TMEM242: variants seen among roughly 807,000 people sequenced by gnomAD.
The protein encoded by TMEM242 is UPF0463 transmembrane protein C6orf35.
A neutral mutation model predicts 18.2 loss-of-function variants in TMEM242; 10 were observed. That is an observed-to-expected ratio of 0.55 (90% CI 0.34 to 0.93). TMEM242 has a LOEUF of 0.93. Among genes scored for constraint, TMEM242 ranks in the 40% least tolerant of loss-of-function variants. The pLI, the probability that TMEM242 is intolerant of heterozygous loss-of-function variation, is 0.02. For missense variants in TMEM242, 186 were observed against 175.5 expected (o/e 1.06, Z -0.34); for synonymous variants, 57 against 69.9 (o/e 0.81, Z 0.92).
intron 3 of TMEM242, among the ~76,000 whole-genome samples, chr6:157,314,374 A>AG (rs1778344944): frequency 1.1e-3 from 2 of 1,770 alleles, no homozygotes; most frequent in Admixed American, 7.4e-3. Flanking sequence ...ATGCATTCCC[A>AG]TGATCATGTA....
intron 3 of TMEM242, among the ~76,000 whole-genome samples, chr6:157,310,657 G>A (rs1778005342): frequency 6.7e-6 from 1 of 149,360 alleles, no homozygotes; most frequent in Non-Finnish European, 1.5e-5. Flanking sequence ...CGCTCACCCG[G>A]CCTCATCATA....
intron 3 of TMEM242, among the ~76,000 whole-genome samples, chr6:157,310,630 C>G (rs1554248357): frequency 9.0e-5 from 9 of 99,824 alleles, no homozygotes; most frequent in South Asian, 3.1e-4. Context: ...CTAGCCTCAT[C>G]ATAGTGTCCC....
intron 1 of TMEM242, 103 bp downstream of exon 1, chr6:157,323,309 G>C: frequency 7.8e-7 from 1 of 1,284,922 alleles, no homozygotes; most frequent in Non-Finnish European, 1.1e-6. Context: ...CACAAGCTAA[G>C]GGCTCTCAGA....
At chr6:157,310,494 C>G in intron 3 of TMEM242, among the ~76,000 whole-genome samples, 1 of 151,396 alleles carries the variant, frequency 6.6e-6, no homozygotes, top group Non-Finnish European at 1.5e-5. Context: ...CTAGCCTCAT[C>G]ATAGTGTCCC....
intron 3 of TMEM242, chr6:157,318,392 G>C (rs1778441171): frequency 4.8e-6 from 1 of 210,170 alleles, no homozygotes; most frequent in African/African-American, 2.3e-5. Flanking sequence ...ACCACACCCA[G>C]CTAATTTTTT....
intron 3 of TMEM242, among the ~76,000 whole-genome samples, chr6:157,302,021 T>A (rs1195905112): frequency 6.6e-6 from 1 of 152,114 alleles, no homozygotes; most frequent in Non-Finnish European, 1.5e-5. Flanking sequence ...TCAGCTGAGT[T>A]CCTGACATCC....
chr6:157,322,838 T>TA (rs782701143), intron 1 of TMEM242, 33 bp from the exon 2 acceptor site: 61 of 1,538,530 alleles, frequency 4.0e-5, no homozygotes, highest in Middle Eastern at 1.7e-4. Flanking sequence ...GGGGGGATAT[T>TA]AAAAAAAATT....
chr6:157,296,484 C>T (rs900681874), intron 3 of TMEM242, among the ~76,000 whole-genome samples: 1 of 152,100 alleles, frequency 6.6e-6, no homozygotes, highest in Non-Finnish European at 1.5e-5. Flanking sequence ...GCCAGGAATT[C>T]GAGACCTGGC....
intron 3 of TMEM242, among the ~76,000 whole-genome samples, chr6:157,313,240 CGCAG>C: frequency 3.9e-5 from 1 of 25,438 alleles, no homozygotes; most frequent in Non-Finnish European, 7.8e-5. Context: ...ATCATAGTGT[CGCAG>C]AGTGTGCTCA....
chr6:157,295,906 T>C (rs1777742336), intron 3 of TMEM242, among the ~76,000 whole-genome samples: 1 of 152,170 alleles, frequency 6.6e-6, no homozygotes, highest in Admixed American at 6.5e-5. Flanking sequence ...CTTTAGAGAA[T>C]GGGCTCCACA....
chr6:157,298,213 T>C (rs78905840), intron 3 of TMEM242, among the ~76,000 whole-genome samples: 4,748 of 152,298 alleles, frequency 0.031, 108 homozygotes, highest in East Asian at 0.15. Flanking sequence ...ATTTCTAACA[T>C]GCTTCTTGAT....
chr6:157,307,469 C>T lies in TMEM242; in HGVS notation c.327+11313G>A, dbSNP rs587631266. 3.9e-5 allele frequency among the ~76,000 whole-genome samples: 6 copies of T among 152,288 alleles called. No individual in the cohort carries two copies. The South Asian group carries it at 1.2e-3, about 32-fold the overall frequency. On this transcript the variant is annotated intron_variant, in intron 3 of 3. Coordinates refer to ENST00000400788, the MANE Select transcript of TMEM242 (RefSeq NM_018452.6). ...GAGCTATTTTGGAAATATGCCAAAA[C>T]AGCGGATTCCCCTGCTTGACTTTTT...
chr6:157,322,605 A>G, intron 2 of TMEM242, 100 bp downstream of exon 2: 1 of 935,800 alleles, frequency 1.1e-6, no homozygotes, highest in Non-Finnish European at 1.6e-6. Context: ...CACATCTTAA[A>G]GCAATGTGAA....
intron 1 of TMEM242, among the ~76,000 whole-genome samples, chr6:157,323,193 T>C (rs587713885): frequency 6.6e-6 from 1 of 152,040 alleles, no homozygotes; most frequent in Non-Finnish European, 1.5e-5. Context: ...CCCGGGAGAA[T>C]AGCTCGCGGG....
At chr6:157,314,903 C>G (rs907307201) in intron 3 of TMEM242, among the ~76,000 whole-genome samples, 1 of 152,232 alleles carries the variant, frequency 6.6e-6, no homozygotes, top group Non-Finnish European at 1.5e-5. Context: ...CAAGCACTTT[C>G]ATCAAGCTGC....
chr6:157,313,384 A>T (rs62425606), intron 3 of TMEM242, among the ~76,000 whole-genome samples: 6 of 16,756 alleles, frequency 3.6e-4, no homozygotes, highest in East Asian at 2.3e-3. Context: ...GCCTCAGTGT[A>T]CGCTCACCGG....
rs1223634208 is a variant in TMEM242 at position 157,305,034 on chromosome 6, CCTT to C, written c.328-12038_328-12036del. Among the ~76,000 whole-genome samples, 1 of 152,138 alleles carries C rather than the reference CCTT, an allele frequency of 6.6e-6. No individual in the cohort carries two copies. The highest frequency in any genetic ancestry group is 1.5e-5 in the Non-Finnish European group (1 of 68,022). On this transcript the variant is annotated intron_variant, in intron 3 of 3. Transcript: ENST00000400788. The surrounding 1 kb of genome is among the most constrained non-coding windows in gnomAD (Gnocchi z 4.1). ...GGTTGGTGGGGCTACATCATGTAAA[CCTT>C]CTTCAACAGGAAGCCACTGAAGGGT...
intron 3 of TMEM242, among the ~76,000 whole-genome samples, chr6:157,313,018 C>A (rs1554249569): frequency 0.018 from 2,524 of 139,200 alleles, no homozygotes; most frequent in East Asian, 0.051. Flanking sequence ...GTCCGCTCAC[C>A]TAGCCTCATC....
intron 3 of TMEM242, chr6:157,299,305 T>C: frequency 2.5e-6 from 2 of 815,246 alleles, no homozygotes; most frequent in South Asian, 1.3e-5. Context: ...TCATAGGCAC[T>C]AGCAATCACT....
Sources: gnomAD v4.1 joint callset for allele counts (sites outside exome capture counted in the v4.1 genomes callset) on GRCh38, gnomAD v4.1.1 for gene constraint, Gnocchi (gnomAD v3.1) non-coding constraint, MANE v1.5 for transcripts, NCBI Gene and HGNC (gene_info 2026-07-23, HGNC 2026-07-21) for gene names.